The following DOCK3 variants were observed in gnomAD, a reference collection of about 807,000 sequenced individuals.
DOCK3 encodes the protein dedicator of cytokinesis protein 3.
In DOCK3, 60 loss-of-function variants were observed where a neutral mutation model predicts 265.6. The observed-to-expected ratio is 0.23, with a 90% CI of 0.18 to 0.28. The LOEUF (loss-of-function observed/expected upper bound fraction) is 0.28. DOCK3 is among the 10% of genes least tolerant of loss of function. The pLI, the probability that DOCK3 is intolerant of heterozygous loss-of-function variation, is 1.00. For synonymous variants in DOCK3, 881 were observed against 938.0 expected, an observed-to-expected ratio of 0.94 and a Z score of 1.11; for missense variants, 1,981 against 2,594.3, an observed-to-expected ratio of 0.76 and a Z score of 5.14.
chr3:51,318,881 A>G (rs1365009958), intron 32 of DOCK3, among the ~76,000 whole-genome samples: 2 of 152,144 alleles, frequency 1.3e-5, no homozygotes, highest in Non-Finnish European at 2.9e-5. Flanking sequence ...TAGAAATTCA[A>G]CTGATTTTTA....
At chr3:50,691,663 C>G (rs999656441) in intron 1 of DOCK3, among the ~76,000 whole-genome samples, 2 of 152,192 alleles carry the variant, frequency 1.3e-5, no homozygotes, top group South Asian at 4.1e-4. Flanking sequence ...AGTGGCTGTG[C>G]TATACATTCC....
chr3:51,288,548 C>T (rs1312677103), intron 27 of DOCK3, among the ~76,000 whole-genome samples: 1 of 152,072 alleles, frequency 6.6e-6, no homozygotes, highest in Non-Finnish European at 1.5e-5. Flanking sequence ...CTCCATGATG[C>T]TCAATTTACC....
chr3:50,828,663 C>T (rs376289034), intron 2 of DOCK3, among the ~76,000 whole-genome samples: 100 of 152,138 alleles, frequency 6.6e-4, no homozygotes, highest in African/African-American at 2.4e-3. Context: ...CCTTGGCCCC[C>T]CAAAGTGCTG....
chr3:50,996,320 C>G (rs1226096589), intron 5 of DOCK3, among the ~76,000 whole-genome samples: 1 of 151,778 alleles, frequency 6.6e-6, no homozygotes, highest in Non-Finnish European at 1.5e-5. Flanking sequence ...TGGGTTCATG[C>G]CATTCTCCTG....
intron 14 of DOCK3, among the ~76,000 whole-genome samples, chr3:51,221,745 C>T (rs1433981533): frequency 2.0e-5 from 3 of 152,210 alleles, no homozygotes; most frequent in African/African-American, 4.8e-5. Flanking sequence ...GTAAGATGCC[C>T]TGCCAACCTT....
chr3:50,967,229 C>CA (rs2077060304), intron 5 of DOCK3, among the ~76,000 whole-genome samples: 6 of 152,134 alleles, frequency 3.9e-5, no homozygotes, highest in Non-Finnish European at 8.8e-5. Context: ...TCCATGAGAT[C>CA]CACTTTTTTA....
intron 4 of DOCK3, among the ~76,000 whole-genome samples, chr3:50,916,366 A>G (rs1196985946): frequency 6.6e-6 from 1 of 151,894 alleles, no homozygotes; most frequent in Non-Finnish European, 1.5e-5. Context: ...ATCTTGGCTC[A>G]CTGCAAGCTC....
At chr3:51,266,128 G>A (rs1432993080) in intron 23 of DOCK3, among the ~76,000 whole-genome samples, 1 of 152,116 alleles carries the variant, frequency 6.6e-6, no homozygotes, top group Non-Finnish European at 1.5e-5. Context: ...GAAGGGATAT[G>A]AAGGAACTCT....
chr3:51,262,443 A>C (rs1356821533), intron 23 of DOCK3, among the ~76,000 whole-genome samples: 1 of 148,256 alleles, frequency 6.7e-6, no homozygotes, highest in African/African-American at 2.5e-5. Flanking sequence ...AGGTAGATAA[A>C]TCCAGGAAGA....
At chr3:50,848,788 A>G (rs534971045) in intron 3 of DOCK3, among the ~76,000 whole-genome samples, 1 of 152,250 alleles carries the variant, frequency 6.6e-6, no homozygotes, top group South Asian at 2.1e-4. Context: ...CATTTTGTAT[A>G]GCACCTCACA....
intron 12 of DOCK3, among the ~76,000 whole-genome samples, chr3:51,185,243 A>T (rs1009433491): frequency 4.6e-5 from 7 of 152,214 alleles, no homozygotes; most frequent in African/African-American, 1.7e-4. Context: ...TAATTATGAC[A>T]AATGTACAAT....
At position 51,356,445 on chromosome 3, in the gene DOCK3, C is replaced by G. The variant is rs1324193031; in HGVS notation, c.4455C>G (p.His1485Gln). ...WIERTTLTLTHSLPGISRWFE... is the reference protein window; with the variant it reads ...WIERTTLTLTQSLPGISRWFE... ...AACGTACCACACTGACCCTGACCCA[C>G]AGCTTGCCTGGCATCTCTCGGTGGT... is the stretch of plus-strand genomic sequence containing the variant. Residue 1485 changes from histidine (H) to glutamine (Q), a missense_variant, in exon 43 of 53, where the codon CAC becomes CAG. Physicochemically the swap from His to Gln is conservative, Grantham distance 24. Coordinates refer to ENST00000266037, the MANE Select transcript of DOCK3 (RefSeq NM_004947.5). 1.2e-6 allele frequency: 2 copies of G among 1,613,206 alleles called. No individual in the cohort carries two copies. The highest frequency in any genetic ancestry group is 1.7e-5 in the Admixed American group (1 of 59,950).
At position 51,374,495 on chromosome 3, in the gene DOCK3, C is replaced by T. The variant is rs374668386; in HGVS notation, c.5320C>T (p.Arg1774Cys). ...CTCTCCCTCTCTGCCAGATAAGTACCGCCATGCCCGTGAAATGATGTTGTT... is the reference window on the plus strand; with the variant it reads ...CTCTCCCTCTCTGCCAGATAAGTACTGCCATGCCCGTGAAATGATGTTGTT... ...RGSPSLPDKY[R>C]HAREMMLLLP... Residue 1774 changes from arginine (R) to cysteine (C), a missense_variant, in exon 50 of 53, where the codon CGC becomes TGC. Physicochemically the swap from Arg to Cys is radical, Grantham distance 180. This residue lies in a region of DOCK3 where 1,357 missense variants were observed against 1,866.8 expected (regional missense o/e 0.73). Transcript: ENST00000266037. This position sits in a 1 kb window ranked among gnomAD's most constrained non-coding sequence, Gnocchi z 4.8. 1.5e-5 allele frequency: 25 copies of T among 1,613,500 alleles called. No individual in the cohort carries two copies. The highest frequency in any genetic ancestry group is 3.3e-5 in the Admixed American group (2 of 59,978).
chr3:51,255,222 C>G (rs2079480582), intron 22 of DOCK3, among the ~76,000 whole-genome samples: 1 of 152,230 alleles, frequency 6.6e-6, no homozygotes, highest in Admixed American at 6.5e-5. Context: ...TGTAGAGTTT[C>G]TGCTGAGAGA....
intron 49 of DOCK3, 112 bp downstream of exon 49, chr3:51,362,786 A>G: frequency 7.0e-7 from 1 of 1,433,048 alleles, no homozygotes; most frequent in Non-Finnish European, 9.3e-7. Context: ...GACTTAGAGA[A>G]TACTCATTTG....
intron 24 of DOCK3, among the ~76,000 whole-genome samples, chr3:51,273,081 G>A (rs571574722): frequency 6.7e-6 from 1 of 150,078 alleles, no homozygotes; most frequent in South Asian, 2.1e-4. Flanking sequence ...AGAATGGCGT[G>A]AACCCAGGAG....
intron 7 of DOCK3, among the ~76,000 whole-genome samples, chr3:51,085,851 AC>A (rs910234088): frequency 3.5e-4 from 53 of 152,364 alleles, no homozygotes; most frequent in African/African-American, 1.2e-3. Context: ...GCTGAAAAAA[AC>A]AATACAAAGG....
At chr3:50,977,960 TC>T (rs1267719886) in intron 5 of DOCK3, among the ~76,000 whole-genome samples, 3 of 152,210 alleles carry the variant, frequency 2.0e-5, no homozygotes, top group Non-Finnish European at 4.4e-5. Context: ...TCTGCATTCT[TC>T]CCGTTGTTCT....
intron 5 of DOCK3, among the ~76,000 whole-genome samples, chr3:50,951,977 C>A (rs1020444113): frequency 1.3e-5 from 2 of 152,156 alleles, no homozygotes; most frequent in Admixed American, 1.3e-4. Context: ...TATTAGGCTT[C>A]TTTTAAGCAC....
Sources: allele counts gnomAD v4.1 joint callset (sites outside exome capture counted in the v4.1 genomes callset), GRCh38; gene constraint gnomAD v4.1.1; regional missense constraint gnomAD v4.1.1; non-coding constraint Gnocchi (gnomAD v3.1); transcripts MANE v1.5; gene names NCBI Gene and HGNC (gene_info 2026-07-23, HGNC 2026-07-21).